The following KDM4B variants were observed in gnomAD, a reference collection of about 807,000 sequenced individuals.
KDM4B encodes lysine demethylase 4B.
Under a neutral mutation model 125.2 loss-of-function variants are expected in KDM4B, and 32 were observed. The observed-to-expected ratio is 0.26, with a 90% confidence interval of 0.19 to 0.34. KDM4B has a LOEUF of 0.34. Among genes scored for constraint, KDM4B ranks in the 10% least tolerant of loss-of-function variants. The pLI is 1.00. For missense variants in KDM4B, 1,190 were observed against 1,577.7 expected (o/e 0.75, Z 4.16); for synonymous variants, 721 against 677.9 (o/e 1.06, Z -0.99).
chr19:5,123,756 C>T (rs768222726), intron 11 of KDM4B, among the ~76,000 whole-genome samples: 2 of 152,224 alleles, frequency 1.3e-5, no homozygotes, highest in Non-Finnish European at 2.9e-5. Flanking sequence ...ATGGGTCGTG[C>T]TGGTAGAGGA....
chr19:5,040,978 C>T (rs527983039), intron 4 of KDM4B, among the ~76,000 whole-genome samples, 159 bp from the exon 5 acceptor site: 5 of 152,212 alleles, frequency 3.3e-5, no homozygotes, highest in Admixed American at 1.3e-4. Flanking sequence ...CTGTCCCACC[C>T]GGAAGCAGGT....
At chr19:5,086,654 C>G (rs532866212) in intron 9 of KDM4B, among the ~76,000 whole-genome samples, 41 of 152,062 alleles carry the variant, frequency 2.7e-4, no homozygotes, top group African/African-American at 9.9e-4. Flanking sequence ...CTCCCCCCCC[C>G]AGCCCCCAGG....
At chr19:5,113,943 C>G (rs1186049459) in intron 10 of KDM4B, 4 of 1,224,690 alleles carry the variant, frequency 3.3e-6, no homozygotes, top group Non-Finnish European at 4.2e-6. Flanking sequence ...AGGACACGGC[C>G]TACTCCCTGC....
chr19:5,050,612 C>T (rs1470453435), intron 6 of KDM4B, among the ~76,000 whole-genome samples: 2 of 152,234 alleles, frequency 1.3e-5, no homozygotes, highest in African/African-American at 4.8e-5. Flanking sequence ...GATCAAGACT[C>T]TCCTGGGGCC....
At position 5,071,152 on chromosome 19, in the gene KDM4B, T is replaced by C. The variant is rs956178828; in HGVS notation, c.676+93T>C. 4 of 1,244,748 alleles carry C rather than the reference T, an allele frequency of 3.2e-6. No homozygotes were observed. In the African/African-American group the frequency reaches 5.9e-5, roughly 18 times the overall value. The allele number at this position is 1,244,748 out of a possible 1,614,324, so 77.1% of individuals were successfully genotyped here. ...GCAGCTGGCGTCCCCCGGGCTCTGC[T>C]GCGGTCTGGGTTTGGGTTTTGGGGA... On this transcript the variant is annotated intron_variant, in intron 7 of 22. Transcript: ENST00000159111.
At chr19:5,092,445 C>T (rs566333814) in intron 9 of KDM4B, among the ~76,000 whole-genome samples, 17 of 152,328 alleles carry the variant, frequency 1.1e-4, no homozygotes, top group South Asian at 8.3e-4. Context: ...TCTCGGCTTT[C>T]GGGATCACGC....
rs1397887403 is a variant in KDM4B at position 5,012,677 on chromosome 19, G to A, written c.-108-3580G>A. Among the ~76,000 whole-genome samples, 6 of 152,332 alleles carry A rather than the reference G, an allele frequency of 3.9e-5. No individual in the cohort carries two copies. In the South Asian group the frequency reaches 6.2e-4, roughly 16 times the overall value. ...TGGCATTTTGCTCAGGCTGGCACGC[G>A]GTGGAGGCTGTTGGGAGGACTTCAG... On this transcript the variant is annotated intron_variant, in intron 1 of 22. Transcript: ENST00000159111.
At chr19:5,121,552 G>A (rs910404738) in intron 11 of KDM4B, among the ~76,000 whole-genome samples, 4 of 152,202 alleles carry the variant, frequency 2.6e-5, no homozygotes, top group Non-Finnish European at 4.4e-5. Context: ...TCTGCGAGCC[G>A]CTCGCAGCAA....
intron 6 of KDM4B, among the ~76,000 whole-genome samples, chr19:5,052,416 C>T (rs1035851301): frequency 2.0e-5 from 3 of 151,946 alleles, no homozygotes; most frequent in South Asian, 2.1e-4. Flanking sequence ...GGGACCAGCC[C>T]GGGCTTCCTG....
chr19:5,008,906 C>CTTTTT (rs200928850), intron 1 of KDM4B, among the ~76,000 whole-genome samples: 3 of 104,464 alleles, frequency 2.9e-5, no homozygotes, highest in African/African-American at 1.4e-4. Flanking sequence ...TGGCCCCTGC[C>CTTTTT]TTTTTTTTTT....
intron 11 of KDM4B, among the ~76,000 whole-genome samples, chr19:5,120,978 C>T (rs1194814537): frequency 5.9e-5 from 9 of 152,194 alleles, no homozygotes; most frequent in Non-Finnish European, 1.2e-4. Context: ...GTCTCCAGGA[C>T]GCGCTGGTGC....
chr19:4,979,452 C>G (rs1434317285), intron 1 of KDM4B, among the ~76,000 whole-genome samples: 1 of 152,176 alleles, frequency 6.6e-6, no homozygotes, highest in Non-Finnish European at 1.5e-5. Context: ...GGGGGTGTGG[C>G]CTGGGAGATC....
intron 11 of KDM4B, among the ~76,000 whole-genome samples, chr19:5,125,727 G>C (rs2620846): frequency 0.6 from 90,719 of 151,946 alleles, 27,330 homozygotes; most frequent in African/African-American, 0.68. Context: ...TACGTTGGTG[G>C]CACGTCAGGG....
At chr19:5,087,220 G>A (rs1270705640) in intron 9 of KDM4B, among the ~76,000 whole-genome samples, 1 of 152,256 alleles carries the variant, frequency 6.6e-6, no homozygotes, top group Non-Finnish European at 1.5e-5. Context: ...TATTCCCGTG[G>A]GTGTCTTTCC....
At chr19:5,137,061 G>A (rs1599257904) in intron 15 of KDM4B, among the ~76,000 whole-genome samples, 2 of 152,136 alleles carry the variant, frequency 1.3e-5, no homozygotes, top group East Asian at 3.9e-4. Context: ...CCTTTCTCTC[G>A]CTCCACATGC....
At chr19:5,136,345 G>A (rs995234558) in intron 15 of KDM4B, among the ~76,000 whole-genome samples, 3 of 152,198 alleles carry the variant, frequency 2.0e-5, no homozygotes, top group African/African-American at 7.2e-5. Context: ...TCTTTCCCAC[G>A]CACGGGGGGG....
chr19:5,101,843 C>A (rs2038941803), intron 9 of KDM4B, among the ~76,000 whole-genome samples: 1 of 152,198 alleles, frequency 6.6e-6, no homozygotes. Context: ...CTTGGGCCAG[C>A]CGGATTGCAC....
chr19:5,144,757 T>A, intron 20 of KDM4B, 26 bp from the exon 21 acceptor site: 1 of 1,613,116 alleles, frequency 6.2e-7, no homozygotes, highest in Non-Finnish European at 8.5e-7. Flanking sequence ...GGCCAGGACC[T>A]CACCTCCCAC....
At chr19:4,984,534 C>T (rs1184367920) in intron 1 of KDM4B, among the ~76,000 whole-genome samples, 2 of 152,160 alleles carry the variant, frequency 1.3e-5, no homozygotes, top group Admixed American at 6.6e-5. Flanking sequence ...GCAGCGTTGA[C>T]CCCAAGACCA....
Sources: gnomAD v4.1 joint callset for allele counts (sites outside exome capture counted in the v4.1 genomes callset) on GRCh38, gnomAD v4.1.1 for gene constraint, MANE v1.5 for transcripts, NCBI Gene and HGNC (gene_info 2026-07-23, HGNC 2026-07-21) for gene names.